SLIT3: variants seen among roughly 807,000 people sequenced by gnomAD.
SLIT3 encodes slit homolog 3 protein.
A neutral mutation model predicts 184.0 loss-of-function variants in SLIT3; 68 were observed. The observed-to-expected ratio is 0.37, with a 90% confidence interval of 0.30 to 0.45. SLIT3 has a LOEUF of 0.45. SLIT3 is among the 20% of genes least tolerant of loss of function. SLIT3 has a pLI of 1.00. For synonymous variants in SLIT3, 831 were observed against 828.6 expected (o/e 1.00, Z -0.05); for missense variants, 1,707 against 2,026.0 (o/e 0.84, Z 3.02).
chr5:169,205,395 C>A (rs768593609), intron 3 of SLIT3, among the ~76,000 whole-genome samples: 48 of 152,148 alleles, frequency 3.2e-4, no homozygotes, highest in Non-Finnish European at 7.3e-5. Flanking sequence ...TTTTAATGTA[C>A]TGCATGGCCT....
intron 4 of SLIT3, among the ~76,000 whole-genome samples, chr5:168,883,876 G>C (rs1474854405): frequency 2.6e-5 from 4 of 152,026 alleles, no homozygotes; most frequent in African/African-American, 7.2e-5. Flanking sequence ...AGATTCCTGG[G>C]GGCCCCTAGA....
intron 32 of SLIT3, among the ~76,000 whole-genome samples, chr5:168,675,581 A>G (rs993479542): frequency 6.6e-6 from 1 of 152,194 alleles, no homozygotes; most frequent in Non-Finnish European, 1.5e-5. Flanking sequence ...CTTTGTAACC[A>G]GGCATGCTGG....
chr5:169,146,909 G>A (rs1050364016), intron 4 of SLIT3, among the ~76,000 whole-genome samples: 5 of 152,220 alleles, frequency 3.3e-5, no homozygotes, highest in African/African-American at 1.2e-4. Context: ...TAGCTTCTAT[G>A]TGCCTTAAGT....
chr5:169,120,669 C>T (rs1018878649), intron 4 of SLIT3, among the ~76,000 whole-genome samples: 8 of 152,248 alleles, frequency 5.3e-5, no homozygotes, highest in South Asian at 4.1e-4. Flanking sequence ...CAGTAGGAAA[C>T]GAATACACCA....
At chr5:168,998,940 A>G (rs112921140) in intron 4 of SLIT3, among the ~76,000 whole-genome samples, 5,426 of 148,438 alleles carry the variant, frequency 0.037, 123 homozygotes, top group Middle Eastern at 0.052. Flanking sequence ...TTGAGACAGG[A>G]TCTCGCTCTT....
intron 4 of SLIT3, among the ~76,000 whole-genome samples, chr5:169,125,703 T>C (rs1228442729): frequency 6.6e-6 from 1 of 152,122 alleles, no homozygotes; most frequent in Non-Finnish European, 1.5e-5. Context: ...CATCCCCTCC[T>C]ACCACATTTT....
At chr5:169,182,970 CAG>C in intron 4 of SLIT3, among the ~76,000 whole-genome samples, 1 of 152,194 alleles carries the variant, frequency 6.6e-6, no homozygotes, top group Admixed American at 6.5e-5. Flanking sequence ...TGATTTTGTG[CAG>C]AAAGGGCTCA....
intron 3 of SLIT3, among the ~76,000 whole-genome samples, chr5:169,221,531 C>T (rs1010970289): frequency 1.1e-4 from 17 of 152,202 alleles, no homozygotes; most frequent in African/African-American, 2.4e-5. Flanking sequence ...ACTCAGTGCA[C>T]TCAACAGTAT....
rs1194029967 is a variant in SLIT3 at position 168,753,967 on chromosome 5, C to T, written c.1726G>A (p.Ala576Thr). 1.2e-6 allele frequency: 2 copies of T among 1,608,664 alleles called. No homozygotes were observed. The highest frequency in any genetic ancestry group is 1.7e-6 in the Non-Finnish European group (2 of 1,179,092). The change falls in exon 17 of 36, where the codon GCT (alanine) becomes ACT (threonine). Residue 576 changes from alanine (A) to threonine (T), a missense_variant. Around this residue, in one of 3 missense-constraint regions of SLIT3, gnomAD observed 1,307 missense variants for 1,511.6 expected, o/e 0.86. Coordinates refer to ENST00000519560, the MANE Select transcript of SLIT3 (RefSeq NM_003062.4). The stretch of plus-strand genomic sequence containing the variant: ...TGCACGCTGGCTGCTCCATCGAAAG[C>T]TCCCTCTCGCACCTCCTTGATCTTA... ...NNKIKEVREG[A>T]FDGAASVQEL... is the part of the protein sequence containing the mutation.
chr5:168,810,123 G>A (rs1407696891), intron 8 of SLIT3, among the ~76,000 whole-genome samples: 1 of 152,228 alleles, frequency 6.6e-6, no homozygotes, highest in East Asian at 1.9e-4. Context: ...GGGGAAGGTA[G>A]AGGCAGTGGA....
At chr5:169,232,968 CTGTGT>C (rs1443602538) in intron 3 of SLIT3, among the ~76,000 whole-genome samples, 1 of 152,146 alleles carries the variant, frequency 6.6e-6, no homozygotes, top group Non-Finnish European at 1.5e-5. Context: ...GTCTGTCTTT[CTGTGT>C]TAAGGCCTGT....
intron 5 of SLIT3, among the ~76,000 whole-genome samples, chr5:168,851,291 C>G (rs1398723016): frequency 2.1e-5 from 3 of 144,452 alleles, no homozygotes; most frequent in African/African-American, 2.6e-5. Context: ...CAACTGCACT[C>G]GAGCCTGGGC....
intron 4 of SLIT3, among the ~76,000 whole-genome samples, chr5:168,965,233 A>G (rs1391520344): frequency 6.6e-6 from 1 of 152,232 alleles, no homozygotes; most frequent in African/African-American, 2.4e-5. Flanking sequence ...CTATTGGAAG[A>G]AAAAATGGTT....
At chr5:169,087,471 G>T (rs1759354513) in intron 4 of SLIT3, among the ~76,000 whole-genome samples, 1 of 152,134 alleles carries the variant, frequency 6.6e-6, no homozygotes, top group South Asian at 2.1e-4. Flanking sequence ...GTGAGGTCAG[G>T]ACTAAGAATG....
intron 4 of SLIT3, among the ~76,000 whole-genome samples, chr5:168,908,422 C>A (rs1761149351): frequency 6.6e-6 from 1 of 151,970 alleles, no homozygotes; most frequent in Non-Finnish European, 1.5e-5. Context: ...ATGATGTCAC[C>A]CTGTGGGAAT....
At chr5:169,098,242 T>C (rs987264781) in intron 4 of SLIT3, among the ~76,000 whole-genome samples, 1 of 152,166 alleles carries the variant, frequency 6.6e-6, no homozygotes, top group African/African-American at 2.4e-5. Flanking sequence ...AATGACCAAG[T>C]GTCTTTCTAT....
rs368181582 is a variant in SLIT3, at chr5:168,844,548, C to T, written c.557+36G>A. 7.8e-4 allele frequency: 1,237 copies of T among 1,591,862 alleles called. 4 individuals carry two copies. Among genetic ancestry groups the T allele is most frequent in the South Asian group, 2.7e-3 (245 of 90,592 alleles). On this transcript the variant is annotated intron_variant, in intron 6 of 35. Transcript: ENST00000519560. ...ACACACACACATACACACACATGCA[C>T]GCACACACAAGGCAGCGATCGCAAA... is the stretch of plus-strand genomic sequence containing the variant.
At chr5:169,090,058 G>C (rs1244613805) in intron 4 of SLIT3, among the ~76,000 whole-genome samples, 8 of 152,126 alleles carry the variant, frequency 5.3e-5, no homozygotes, top group Admixed American at 2.6e-4. Flanking sequence ...GCCCAACCCA[G>C]AATGCTGAGA....
At chr5:168,727,307 G>A (rs1274477337) in intron 20 of SLIT3, among the ~76,000 whole-genome samples, 1 of 152,076 alleles carries the variant, frequency 6.6e-6, no homozygotes, top group Non-Finnish European at 1.5e-5. Flanking sequence ...GCAACACAGT[G>A]AGACTCCGTC....
Sources: gnomAD v4.1 joint callset for allele counts (sites outside exome capture counted in the v4.1 genomes callset) on GRCh38, gnomAD v4.1.1 for gene constraint, gnomAD v4.1.1 regional missense constraint, MANE v1.5 for transcripts, NCBI Gene and HGNC (gene_info 2026-07-23, HGNC 2026-07-21) for gene names.